The following ZNF326 variants were observed in gnomAD, a reference collection of about 807,000 sequenced individuals.
ZNF326 encodes zinc finger protein 326.
ZNF326 carries 30 observed loss-of-function variants against 63.1 expected under a neutral mutation model. The observed-to-expected ratio is 0.48, with a 90% CI of 0.36 to 0.64. ZNF326 has a LOEUF of 0.64. ZNF326 is among the 30% of genes least tolerant of loss of function. The pLI is 0.00. For synonymous variants in ZNF326, 194 were observed against 228.2 expected, an observed-to-expected ratio of 0.85 and a Z score of 1.35; for missense variants, 609 against 720.3, an observed-to-expected ratio of 0.85 and a Z score of 1.77.
intron 6 of ZNF326, 101 bp from the exon 7 acceptor site, chr1:90,013,025 C>T (rs1165726727): frequency 2.2e-6 from 2 of 899,746 alleles, no homozygotes; most frequent in Admixed American, 7.8e-5. Flanking sequence ...AGATTACAAT[C>T]ACTAAGTATA....
At chr1:90,024,396 T>A (rs1265795076) in intron 11 of ZNF326, among the ~76,000 whole-genome samples, 1 of 152,196 alleles carries the variant, frequency 6.6e-6, no homozygotes, top group East Asian at 1.9e-4. Flanking sequence ...CTCAAATTCC[T>A]TATTAGTTCT....
rs1650167252 is a variant in ZNF326, at chr1:90,029,425, G to A, written c.*1724G>A. 6.6e-6 allele frequency: 1 copy of A among 152,132 alleles called. No individual in the cohort carries two copies. The allele number at this position is 152,132 out of a possible 1,614,324, so 9.4% of individuals were successfully genotyped here. ...CTAGATAAATTTGGATACTATCTAG[G>A]AGTCTGTATTTACTTAGCAGGCTTT... On this transcript the variant is annotated 3_prime_UTR_variant, in exon 12 of 12. Transcript: ENST00000340281.
rs759962554 is a variant in ZNF326, at chr1:90,007,778, C to G, written c.615+28C>G. 2.0e-6 allele frequency: 3 copies of G among 1,474,968 alleles called. No homozygotes were observed. The Admixed American group carries it at 7.2e-5, about 36-fold the overall frequency. The allele number at this position is 1,474,968 out of a possible 1,614,324, so 91.4% of individuals were successfully genotyped here. A position where few individuals can be genotyped will look rare whatever the true frequency, so the allele number is the denominator to read the frequency against. ...AAGTACAACAGAATCTTTTCAGATT[C>G]TTTTCACTAGTCACTCTTTTAAACC... is the stretch of plus-strand genomic sequence containing the variant. On this transcript the variant is annotated intron_variant, in intron 5 of 11. Transcript: ENST00000340281. The surrounding 1 kb of genome is among the most constrained non-coding windows in gnomAD (Gnocchi z 4.9).
At position 90,034,871 on chromosome 1, in the gene ZNF326, G is replaced by GA. The variant is rs1258068034; in HGVS notation, c.*7176dup. ...GTAATTTGTTGAAACTGGTCATGTT[G>GA]AAAAAACATGACCAATTAAATATCC... is the stretch of plus-strand genomic sequence containing the variant. On this transcript the variant is annotated 3_prime_UTR_variant, in exon 12 of 12. Transcript: ENST00000340281. 10 of 151,990 alleles carry GA rather than the reference G, an allele frequency of 6.6e-5. No homozygotes were observed. The highest frequency in any genetic ancestry group is 8.8e-5 in the Non-Finnish European group (6 of 67,974). The allele number at this position is 151,990 out of a possible 1,614,324, so 9.4% of individuals were successfully genotyped here. A position where few individuals can be genotyped will look rare whatever the true frequency, so the allele number is the denominator to read the frequency against.
At chr1:90,010,381 A>T (rs1649179411) in intron 6 of ZNF326, 95 bp downstream of exon 6, 10 of 1,260,274 alleles carry the variant, frequency 7.9e-6, no homozygotes, top group Non-Finnish European at 9.9e-6. Context: ...ATATACAGAA[A>T]CTACATAACA....
chr1:90,018,859 A>C (rs987424769), intron 9 of ZNF326, 75 bp downstream of exon 9: 4 of 839,368 alleles, frequency 4.8e-6, no homozygotes, highest in Non-Finnish European at 7.2e-6. Flanking sequence ...AATGTAAATG[A>C]TAGCCACTAG....
rs113656718 is a variant in ZNF326 at position 90,004,728 on chromosome 1, A to G, written c.62-275A>G. ...TAGCCAGTCTCATAACCCAGTCTCAAAAGAAAATAAAAATAATTCTAATAT... is the reference window on the plus strand; with the variant it reads ...TAGCCAGTCTCATAACCCAGTCTCAGAAGAAAATAAAAATAATTCTAATAT... On this transcript the variant is annotated intron_variant, in intron 2 of 11. Coordinates refer to ENST00000340281, the MANE Select transcript of ZNF326 (RefSeq NM_182976.4). 1.5e-3 allele frequency among the ~76,000 whole-genome samples: 230 copies of G among 151,920 alleles called. 2 individuals carry two copies. The highest frequency in any genetic ancestry group is 5.2e-3 in the African/African-American group (217 of 41,502).
chr1:90,006,525 G>A, intron 4 of ZNF326: 3 of 963,648 alleles, frequency 3.1e-6, no homozygotes, highest in Non-Finnish European at 3.7e-6. Context: ...AAAACCTCGA[G>A]GAGACTGTGT....
Position 90,027,819 on chromosome 1 carries a change from A to AAAC in ZNF326, c.*120_*121insCAA. 1 of 906,544 alleles carries AAAC rather than the reference A, an allele frequency of 1.1e-6. No individual in the cohort carries two copies. Among genetic ancestry groups the AAAC allele is most frequent in the Non-Finnish European group, 1.6e-6 (1 of 610,050 alleles). 56.2% of individuals were successfully genotyped at this position (906,544 alleles called of 1,614,324 possible). A position where few individuals can be genotyped will look rare whatever the true frequency, so the allele number is the denominator to read the frequency against. On this transcript the variant is annotated 3_prime_UTR_variant, in exon 12 of 12. Transcript: ENST00000340281. Reference sequence around the variant, plus strand: ...CCATGTTGCATGCATTCCACATATTAAAATTTGTTTTATATAATTTCTAAA... The same window carrying AAAC: ...CCATGTTGCATGCATTCCACATATTAAACAAATTTGTTTTATATAATTTCTAAA...
chr1:89,995,404 G>C, intron 1 of ZNF326, 131 bp downstream of exon 1: 2 of 1,248,228 alleles, frequency 1.6e-6, no homozygotes, highest in Non-Finnish European at 2.1e-6. Flanking sequence ...CGCCCGCCCC[G>C]GGCCCAGCGC....
intron 5 of ZNF326, among the ~76,000 whole-genome samples, chr1:90,008,627 A>AT (rs1270258780): frequency 6.6e-6 from 1 of 152,098 alleles, no homozygotes; most frequent in Non-Finnish European, 1.5e-5. Flanking sequence ...AGAGTATTGT[A>AT]TTTTTGTTAT....
chr1:90,005,734 T>C, intron 4 of ZNF326: 1 of 984,372 alleles, frequency 1.0e-6, no homozygotes, highest in South Asian at 4.7e-5. Flanking sequence ...CCTTTAATTC[T>C]AATTTTAAAG....
chr1:90,023,711 A>G (rs2101092775), intron 11 of ZNF326, among the ~76,000 whole-genome samples: 1 of 152,360 alleles, frequency 6.6e-6, no homozygotes, highest in East Asian at 1.9e-4. Flanking sequence ...ATGTATGAAG[A>G]TAATTTTTAA....
intron 9 of ZNF326, among the ~76,000 whole-genome samples, chr1:90,019,033 T>C (rs1180116036): frequency 1.3e-5 from 2 of 152,142 alleles, no homozygotes; most frequent in Non-Finnish European, 2.9e-5. Flanking sequence ...TGAAAGATAC[T>C]TCTCTCTGTT....
At chr1:90,005,618 C>A (rs1252259438) in intron 4 of ZNF326, 2 of 929,388 alleles carry the variant, frequency 2.2e-6, no homozygotes, top group African/African-American at 3.6e-5. Flanking sequence ...TAAAAAAAAT[C>A]TTTTCTAATG....
rs1297842400 is a variant in ZNF326 at position 90,035,359 on chromosome 1, A to G, written c.*7658A>G. 2.0e-5 allele frequency: 3 copies of G among 152,232 alleles called. No individual in the cohort carries two copies. Among genetic ancestry groups the G allele is most frequent in the Non-Finnish European group, 2.9e-5 (2 of 68,020 alleles). The allele number at this position is 152,232 out of a possible 1,614,324, so 9.4% of individuals were successfully genotyped here. On this transcript the variant is annotated 3_prime_UTR_variant, in exon 12 of 12. Coordinates refer to ENST00000340281, the MANE Select transcript of ZNF326 (RefSeq NM_182976.4). ...TTCACCATGAAAATCTGTACTATAT[A>G]GAAAATCTGTATATAGAATATAGCA... is the stretch of plus-strand genomic sequence containing the variant.
Position 90,005,167 on chromosome 1 carries a change from G to A in ZNF326, c.132G>A (p.Gly44=). The change falls in exon 4 of 12, where the codon GGG becomes GGA. Residue 44 remains glycine (G), a synonymous_variant. Coordinates refer to ENST00000340281, the MANE Select transcript of ZNF326 (RefSeq NM_182976.4). ...MDRDYGHGSY[G]GQRSMDSYLN... ...GTGACTATGGCCATGGATCCTATGGGGGTCAGAGATCCATGGATTCCTACC... is the reference window on the plus strand; with the variant it reads ...GTGACTATGGCCATGGATCCTATGGAGGTCAGAGATCCATGGATTCCTACC... 6.2e-7 allele frequency: 1 copy of A among 1,613,866 alleles called. No individual in the cohort carries two copies. The highest frequency in any genetic ancestry group is 8.5e-7 in the Non-Finnish European group (1 of 1,179,934).
chr1:90,001,075 G>A (rs1648651868), intron 2 of ZNF326, among the ~76,000 whole-genome samples: 1 of 152,162 alleles, frequency 6.6e-6, no homozygotes, highest in Non-Finnish European at 1.5e-5. Context: ...GTAATTTTTT[G>A]TTGTAGGGGG....
chr1:89,996,022 TGTAA>T lies in ZNF326; in HGVS notation c.16+752_16+755del, dbSNP rs371732738. Among the ~76,000 whole-genome samples, 299 of 152,376 alleles carry T rather than the reference TGTAA, an allele frequency of 2.0e-3. 1 individual carries two copies. The highest frequency in any genetic ancestry group is 6.3e-3 in the African/African-American group (264 of 41,594). ...TCACATTTAGACCTGTACACAGCCT[TGTAA>T]GTGTTTGACTTACGGATTAAATAAA... On this transcript the variant is annotated intron_variant, in intron 1 of 11. Coordinates refer to ENST00000340281, the MANE Select transcript of ZNF326 (RefSeq NM_182976.4).
Sources: gnomAD v4.1 joint callset for allele counts (sites outside exome capture counted in the v4.1 genomes callset) on GRCh38, gnomAD v4.1.1 for gene constraint, Gnocchi (gnomAD v3.1) non-coding constraint, MANE v1.5 for transcripts, NCBI Gene and HGNC (gene_info 2026-07-23, HGNC 2026-07-21) for gene names.